PLCG1: variants seen among roughly 807,000 people sequenced by gnomAD.
PLCG1 encodes the protein phospholipase C gamma 1, also known as 1-phosphatidylinositol 4,5-bisphosphate phosphodiesterase gamma-1.
A neutral mutation model predicts 177.8 loss-of-function variants in PLCG1; 71 were observed. That is an observed-to-expected ratio of 0.40 (90% CI 0.33 to 0.49). PLCG1 has a LOEUF of 0.49. Among genes scored for constraint, PLCG1 ranks in the 20% least tolerant of loss-of-function variants. The pLI, the probability that PLCG1 is intolerant of heterozygous loss-of-function variation, is 0.72. For synonymous variants in PLCG1, 658 were observed against 647.9 expected, an observed-to-expected ratio of 1.02 and a Z score of -0.24; for missense variants, 1,281 against 1,709.0, an observed-to-expected ratio of 0.75 and a Z score of 4.42.
In PLCG1 at chr20:41,177,295, T is replaced by C. The variant is rs1568766224; in HGVS notation, c.*2786T>C. The C allele has an allele frequency of 6.6e-6, 1 of 152,194 alleles. No homozygotes were observed. The highest frequency in any genetic ancestry group is 6.5e-5 in the Admixed American group (1 of 15,280). 9.4% of individuals were successfully genotyped at this position (152,194 alleles called of 1,614,324 possible). A position where few individuals can be genotyped will look rare whatever the true frequency, so the allele number is the denominator to read the frequency against. ...CACATACAAAGTAGAGCCTACAAGGTCAGGGGCATTCTGCCCCCGCCACAG... is the reference window on the plus strand; with the variant it reads ...CACATACAAAGTAGAGCCTACAAGGCCAGGGGCATTCTGCCCCCGCCACAG... On this transcript the variant is annotated 3_prime_UTR_variant, in exon 32 of 32. Transcript: ENST00000685551.
At chr20:41,139,021 G>A (rs1267954619) in intron 1 of PLCG1, among the ~76,000 whole-genome samples, 4 of 152,276 alleles carry the variant, frequency 2.6e-5, no homozygotes, top group Non-Finnish European at 1.5e-5. Context: ...TGTGAAGGAG[G>A]GAGATCAGGA....
chr20:41,165,610 G>A lies in PLCG1; in HGVS notation c.1612-29G>A. The A allele has an allele frequency of 6.2e-7, 1 of 1,611,466 alleles. No individual in the cohort carries two copies. Among genetic ancestry groups the A allele is most frequent in the South Asian group, 1.1e-5 (1 of 91,016 alleles). On this transcript the variant is annotated intron_variant, in intron 15 of 31. Coordinates refer to ENST00000685551, the MANE Select transcript of PLCG1 (RefSeq NM_002660.3). This position sits in a 1 kb window ranked among gnomAD's most constrained non-coding sequence, Gnocchi z 6.6. ...AGGTCAGGCCTGGGCCAGGGTCACA[G>A]TATCTTTGCTGTTGCCTTCCCCTGA...
rs1305747220 is a variant in PLCG1, at chr20:41,160,434, G to T, written c.512+281G>T. On this transcript the variant is annotated intron_variant, in intron 4 of 31. Coordinates refer to ENST00000685551, the MANE Select transcript of PLCG1 (RefSeq NM_002660.3). The surrounding 1 kb of genome is among the most constrained non-coding windows in gnomAD (Gnocchi z 5.5). ...TGGCTTTGGGTGTCCTGGAGGTGAG[G>T]GTGGCCAGTAGCGTGTGAAGGGTGC... Among the ~76,000 whole-genome samples, 2 of 152,100 alleles carry T rather than the reference G, an allele frequency of 1.3e-5. No homozygotes were observed. The highest frequency in any genetic ancestry group is 2.9e-5 in the Non-Finnish European group (2 of 68,010).
chr20:41,140,583 T>A (rs1430973783), intron 1 of PLCG1, among the ~76,000 whole-genome samples: 1 of 152,184 alleles, frequency 6.6e-6, no homozygotes. Context: ...AAGACCTTCT[T>A]CTGCCCTGAC....
chr20:41,156,497 G>C lies in PLCG1; in HGVS notation c.218-3109G>C, dbSNP rs569911548. On this transcript the variant is annotated intron_variant, in intron 1 of 31. Transcript: ENST00000685551. This position sits in a 1 kb window ranked among gnomAD's most constrained non-coding sequence, Gnocchi z 5.0. ...CCTTTGTCATTATGCTATACATCAG[G>C]CTTCTGGGCTGCTACTTGTGGGATC... Among the ~76,000 whole-genome samples, 1 of 152,254 alleles carries C rather than the reference G, an allele frequency of 6.6e-6. No homozygotes were observed. Among genetic ancestry groups the C allele is most frequent in the African/African-American group, 2.4e-5 (1 of 41,546 alleles).
chr20:41,144,807 G>A lies in PLCG1; in HGVS notation c.217+6949G>A, dbSNP rs1384619845. ...CTCCAGCCTCTGACTTGTTCATGGT[G>A]GCAGTAGATCTCTAGCGTGGTTTGT... On this transcript the variant is annotated intron_variant, in intron 1 of 31. Transcript: ENST00000685551. This position sits in a 1 kb window ranked among gnomAD's most constrained non-coding sequence, Gnocchi z 4.1. 2.6e-5 allele frequency among the ~76,000 whole-genome samples: 4 copies of A among 152,144 alleles called. No homozygotes were observed. Among genetic ancestry groups the A allele is most frequent in the Non-Finnish European group, 5.9e-5 (4 of 68,032 alleles).
In PLCG1 at chr20:41,172,406, C is replaced by T; in HGVS notation, c.2906-15C>T. On this transcript the variant is annotated splice_polypyrimidine_tract_variant and intron_variant, in intron 25 of 31. Coordinates refer to ENST00000685551, the MANE Select transcript of PLCG1 (RefSeq NM_002660.3). This position sits in a 1 kb window ranked among gnomAD's most constrained non-coding sequence, Gnocchi z 7.0. Reference sequence around the variant, plus strand: ...GGTGGGCGGGCTCTGTAAGTGTTTTCCCTGTTTGGCCCAGAGATTGGCACA... The same window carrying T: ...GGTGGGCGGGCTCTGTAAGTGTTTTTCCTGTTTGGCCCAGAGATTGGCACA... 1.2e-6 allele frequency: 2 copies of T among 1,611,874 alleles called. No homozygotes were observed. The highest frequency in any genetic ancestry group is 1.7e-6 in the Non-Finnish European group (2 of 1,177,992).
Position 41,174,378 on chromosome 20 carries a change from T to G in PLCG1, c.3833+67T>G, listed in dbSNP as rs1036874060. On this transcript the variant is annotated intron_variant, in intron 31 of 31. Coordinates refer to ENST00000685551, the MANE Select transcript of PLCG1 (RefSeq NM_002660.3). The surrounding 1 kb of genome is among the most constrained non-coding windows in gnomAD (Gnocchi z 5.8). ...CTAGGTCCTCCTTCTTCAGTGTTTC[T>G]TTCTCCTGGGTAGAAAAGTTGTAAT... 27 of 1,602,552 alleles carry G rather than the reference T, an allele frequency of 1.7e-5. No individual in the cohort carries two copies. The Admixed American group carries it at 4.4e-4, about 26-fold the overall frequency.
At chr20:41,138,023 G>C (rs2034658815) in intron 1 of PLCG1, 165 bp downstream of exon 1, 1 of 418,204 alleles carries the variant, frequency 2.4e-6, no homozygotes, top group African/African-American at 2.1e-5. Context: ...GTGGTCACTG[G>C]GGGCGGGGGG....
intron 1 of PLCG1, among the ~76,000 whole-genome samples, chr20:41,140,125 G>A (rs928038116): frequency 6.6e-6 from 1 of 152,210 alleles, no homozygotes; most frequent in African/African-American, 2.4e-5. Context: ...TCAGCCAGAG[G>A]TGTACAAATT....
At chr20:41,149,877 T>C in intron 1 of PLCG1, among the ~76,000 whole-genome samples, 1 of 152,210 alleles carries the variant, frequency 6.6e-6, no homozygotes, top group Middle Eastern at 3.4e-3. Flanking sequence ...TGCTCTGAGG[T>C]GTCAGGAAGG....
Position 41,165,114 on chromosome 20 carries a change from G to A in PLCG1, c.1386+13G>A. 6.2e-7 allele frequency: 1 copy of A among 1,608,930 alleles called. No homozygotes were observed. The highest frequency in any genetic ancestry group is 8.5e-7 in the Non-Finnish European group (1 of 1,176,584). ...GATCCTCATCAAGGTGGGGTGGCGG[G>A]CTTATTGCGGAAGCCCCACACTTCT... On this transcript the variant is annotated intron_variant, in intron 13 of 31. Transcript: ENST00000685551. This position sits in a 1 kb window ranked among gnomAD's most constrained non-coding sequence, Gnocchi z 6.6.
At chr20:41,154,398 G>A (rs1224083000) in intron 1 of PLCG1, among the ~76,000 whole-genome samples, 2 of 152,238 alleles carry the variant, frequency 1.3e-5, no homozygotes, top group Non-Finnish European at 2.9e-5. Flanking sequence ...CTGCCCCCTA[G>A]GGCAGGATTG....
At position 41,173,323 on chromosome 20, in the gene PLCG1, C is replaced by T. The variant is rs1223530324; in HGVS notation, c.3280-97C>T. The T allele has an allele frequency of 7.6e-6, 10 of 1,318,510 alleles. No individual in the cohort carries two copies. Among genetic ancestry groups the T allele is most frequent in the East Asian group, 2.5e-5 (1 of 39,448 alleles). The allele number at this position is 1,318,510 out of a possible 1,614,324, so 81.7% of individuals were successfully genotyped here. On this transcript the variant is annotated intron_variant, in intron 27 of 31. Coordinates refer to ENST00000685551, the MANE Select transcript of PLCG1 (RefSeq NM_002660.3). This position sits in a 1 kb window ranked among gnomAD's most constrained non-coding sequence, Gnocchi z 6.2. ...TGTCCCGGGGGCCCAGCAGAGGGCGCGCTGCCTCCACTCCACAGATGCTGA... is the reference window on the plus strand; with the variant it reads ...TGTCCCGGGGGCCCAGCAGAGGGCGTGCTGCCTCCACTCCACAGATGCTGA...
At chr20:41,152,634 T>C (rs1455217831) in intron 1 of PLCG1, among the ~76,000 whole-genome samples, 2 of 152,372 alleles carry the variant, frequency 1.3e-5, no homozygotes, top group South Asian at 2.1e-4. Flanking sequence ...CTAACTCCCA[T>C]GTGTTTACTC....
Position 41,162,983 on chromosome 20 carries a change from G to A in PLCG1, c.707G>A (p.Ser236Asn), listed in dbSNP as rs1324554459. The A allele has an allele frequency of 1.9e-6, 3 of 1,614,098 alleles. No homozygotes were observed. The Admixed American group carries it at 5.0e-5, about 27-fold the overall frequency. The stretch of plus-strand genomic sequence containing the variant: ...ATGGACCTCCCCTTCTTGGAAGCCA[G>A]TACTCTGAGGTTTGGTTTGGAGTGG... ...KTMDLPFLEA[S>N]TLRAGERPEL... The change falls in exon 7 of 32, where the codon AGT becomes AAT. Residue 236 changes from serine (S) to asparagine (N), a missense_variant. Around this residue, in one of 4 missense-constraint regions of PLCG1, gnomAD observed 374 missense variants for 443.8 expected, o/e 0.84. Transcript: ENST00000685551.
In PLCG1 at chr20:41,166,285, T is replaced by C; in HGVS notation, c.1891T>C (p.Ser631Pro). 1 of 1,614,150 alleles carries C rather than the reference T, an allele frequency of 6.2e-7. No homozygotes were observed. Among genetic ancestry groups the C allele is most frequent in the Non-Finnish European group, 8.5e-7 (1 of 1,180,014 alleles). ...FFLTDNLVFD[S>P]LYDLITHYQQ... is the part of the protein sequence containing the mutation. ...CTTGACAGACAACCTCGTCTTTGAC[T>C]CCCTCTATGACCTCATCACGCACTA... Residue 631 changes from serine (S) to proline (P), a missense_variant, in exon 17 of 32, where the codon TCC becomes CCC. Around this residue, in one of 4 missense-constraint regions of PLCG1, gnomAD observed 723 missense variants for 1,030.0 expected, o/e 0.70. Transcript: ENST00000685551. This position sits in a 1 kb window ranked among gnomAD's most constrained non-coding sequence, Gnocchi z 8.6.
rs747096371 is a variant in PLCG1, at chr20:41,168,978, T to C, written c.2484-101T>C. On this transcript the variant is annotated intron_variant, in intron 21 of 31. Coordinates refer to ENST00000685551, the MANE Select transcript of PLCG1 (RefSeq NM_002660.3). The stretch of plus-strand genomic sequence containing the variant: ...GTCTCCTGTGTGCACCAGCAGTGCC[T>C]GCCTCACCCTGGCTTAGGCATGGGA... 6.9e-6 allele frequency: 8 copies of C among 1,167,248 alleles called. No individual in the cohort carries two copies. In the Admixed American group the frequency reaches 1.2e-4, roughly 17 times the overall value. 72.3% of individuals were successfully genotyped at this position (1,167,248 alleles called of 1,614,324 possible). A position where few individuals can be genotyped will look rare whatever the true frequency, so the allele number is the denominator to read the frequency against.
In PLCG1 at chr20:41,163,364, C is replaced by T; in HGVS notation, c.790-14C>T. The T allele has an allele frequency of 1.9e-6, 3 of 1,609,354 alleles. No homozygotes were observed. Among genetic ancestry groups the T allele is most frequent in the South Asian group, 1.1e-5 (1 of 90,986 alleles). On this transcript the variant is annotated splice_polypyrimidine_tract_variant and intron_variant, in intron 8 of 31. Transcript: ENST00000685551. This position sits in a 1 kb window ranked among gnomAD's most constrained non-coding sequence, Gnocchi z 5.2. ...GGAGGCTTCTCTCATCCCCTGCCCT[C>T]CCTACCCCATCAGGAGCTGTGGGCT...
Sources: gnomAD v4.1 joint callset for allele counts (sites outside exome capture counted in the v4.1 genomes callset) on GRCh38, gnomAD v4.1.1 for gene constraint, gnomAD v4.1.1 regional missense constraint, Gnocchi (gnomAD v3.1) non-coding constraint, MANE v1.5 for transcripts, NCBI Gene and HGNC (gene_info 2026-07-23, HGNC 2026-07-21) for gene names.